ATP11C: variants seen among roughly 807,000 people sequenced by gnomAD.
ATP11C encodes the protein phospholipid-transporting ATPase IG.
A neutral mutation model predicts 97.4 loss-of-function variants in ATP11C; 36 were observed. That is an observed-to-expected ratio of 0.37 (90% CI 0.28 to 0.49). The LOEUF is 0.49. ATP11C is among the 20% of genes least tolerant of loss of function. The pLI is 0.98. For missense variants in ATP11C, 730 were observed against 824.6 expected, an observed-to-expected ratio of 0.89 and a Z score of 1.40; for synonymous variants, 275 against 290.9, an observed-to-expected ratio of 0.95 and a Z score of 0.56.
At chrX:139,780,627 A>G (rs1420927440) in intron 18 of ATP11C, among the ~76,000 whole-genome samples, 1 of 111,344 alleles carries the variant, frequency 9.0e-6, no homozygotes, top group Non-Finnish European at 1.9e-5. Context: ...AGTTGAATGC[A>G]TTTCCCCTAA....
intron 20 of ATP11C, among the ~76,000 whole-genome samples, chrX:139,767,250 G>C (rs1482532617): frequency 1.8e-5 from 2 of 111,600 alleles, no homozygotes; most frequent in African/African-American, 6.5e-5. Context: ...GTGAAAGCAA[G>C]GAGACCAGTG....
intron 1 of ATP11C, among the ~76,000 whole-genome samples, chrX:139,853,324 A>AAGAGAGAGGGGAAAGAC (rs1158237522): frequency 2.8e-5 from 3 of 108,197 alleles, no homozygotes; most frequent in East Asian, 2.9e-4. Context: ...AGGAGAGAAA[A>AAGAGAGAGGGGAAAGAC]AGAGAGAGGG....
intron 2 of ATP11C, among the ~76,000 whole-genome samples, chrX:139,820,935 G>A (rs931610521): frequency 7.2e-5 from 8 of 110,992 alleles, no homozygotes; most frequent in African/African-American, 2.3e-4. Context: ...GACCATGTGC[G>A]ATTTAGCATG....
At chrX:139,829,484 C>G (rs1306809155) in intron 1 of ATP11C, among the ~76,000 whole-genome samples, 2 of 112,006 alleles carry the variant, frequency 1.8e-5, no homozygotes, top group African/African-American at 6.5e-5. Context: ...TTTGCCAAAG[C>G]AGAGAAACGC....
chrX:139,839,148 C>T (rs1202459656), intron 1 of ATP11C, among the ~76,000 whole-genome samples: 1 of 111,724 alleles, frequency 9.0e-6, no homozygotes, highest in Non-Finnish European at 1.9e-5. Flanking sequence ...TGCATAATTC[C>T]ATCATATGAA....
chrX:139,806,706 G>T (rs1178426036), intron 5 of ATP11C, among the ~76,000 whole-genome samples: 1 of 111,825 alleles, frequency 8.9e-6, no homozygotes, highest in East Asian at 2.8e-4. Context: ...GTGTTCATGA[G>T]AAAGCATACA....
chrX:139,756,363 G>A (rs771032471), intron 23 of ATP11C, among the ~76,000 whole-genome samples: 68 of 112,150 alleles, frequency 6.1e-4, no homozygotes, highest in Non-Finnish European at 4.1e-4. Flanking sequence ...GGGAACACTT[G>A]CAGAATGCTG....
At chrX:139,904,250 G>A (rs907531802) in intron 1 of ATP11C, among the ~76,000 whole-genome samples, 6 of 111,589 alleles carry the variant, frequency 5.4e-5, no homozygotes, top group African/African-American at 1.6e-4. Flanking sequence ...GCTTTTGGCC[G>A]GGCACGGTGG....
intron 1 of ATP11C, among the ~76,000 whole-genome samples, chrX:139,923,737 C>T: frequency 8.9e-6 from 1 of 111,736 alleles, no homozygotes; most frequent in Non-Finnish European, 1.9e-5. Context: ...GGCTTCTACT[C>T]CCTGTCGATA....
At position 139,826,766 on chromosome X, in the gene ATP11C, C is replaced by T. The variant is rs768884689; in HGVS notation, c.85G>A (p.Val29Ile). 345 of 1,206,572 alleles carry T rather than the reference C, an allele frequency of 2.9e-4. 2 individuals are homozygous for T. The South Asian group carries it at 5.7e-3, about 20-fold the overall frequency. Residue 29 changes from valine (V) to isoleucine (I), a missense_variant, in exon 2 of 30, where the codon GTT (valine) becomes ATT (isoleucine). Physicochemically the swap from Val to Ile is conservative, Grantham distance 29 (BLOSUM62 3). Coordinates refer to ENST00000682941, the MANE Select transcript of ATP11C (RefSeq NM_001353812.2). ...TRTVFVGNHP[V>I]SETEAYIAQR... Reference sequence around the variant, plus strand: ...GCAATGTAAGCTTCTGTTTCCGAAACTGGATGATTGCCAACAAACACTGTG... The same window carrying T: ...GCAATGTAAGCTTCTGTTTCCGAAATTGGATGATTGCCAACAAACACTGTG...
chrX:139,790,495 C>A (rs1473150972), intron 12 of ATP11C, among the ~76,000 whole-genome samples: 2 of 110,787 alleles, frequency 1.8e-5, no homozygotes, highest in Non-Finnish European at 3.8e-5. Context: ...CACACACACA[C>A]ACTCTTACAC....
intron 20 of ATP11C, 129 bp from the exon 21 acceptor site, chrX:139,763,547 T>C (rs12557100): frequency 8.6e-4 from 408 of 476,817 alleles, no homozygotes; most frequent in Non-Finnish European, 1.2e-3. Flanking sequence ...AGTTTGTGCA[T>C]ATACAGTCAT....
chrX:139,773,754 A>T (rs1001200561), intron 19 of ATP11C, among the ~76,000 whole-genome samples: 1 of 112,554 alleles, frequency 8.9e-6, no homozygotes, highest in Admixed American at 9.4e-5. Context: ...GCTTGCTTAA[A>T]CATTAGCGAT....
chrX:139,825,214 C>G (rs2083502556), intron 2 of ATP11C, among the ~76,000 whole-genome samples: 1 of 111,268 alleles, frequency 9.0e-6, no homozygotes, highest in African/African-American at 3.3e-5. Context: ...AGGAAGGAAC[C>G]CAAACAGCAC....
chrX:139,931,288 C>G (rs1385791895), intron 1 of ATP11C, among the ~76,000 whole-genome samples: 2 of 112,094 alleles, frequency 1.8e-5, no homozygotes, highest in Non-Finnish European at 3.8e-5. Flanking sequence ...ACGGAGGAGT[C>G]CAGTCACAGT....
intron 18 of ATP11C, among the ~76,000 whole-genome samples, chrX:139,779,450 T>C (rs1178556229): frequency 1.8e-5 from 2 of 112,024 alleles, no homozygotes; most frequent in Non-Finnish European, 3.8e-5. Context: ...ACCACATCAG[T>C]ACATATAAAC....
At chrX:139,776,300 G>A (rs184542694) in intron 18 of ATP11C, among the ~76,000 whole-genome samples, 3 of 111,675 alleles carry the variant, frequency 2.7e-5, no homozygotes, top group Non-Finnish European at 5.7e-5. Context: ...TTCACAAAGG[G>A]TGGGGCCCAA....
intron 1 of ATP11C, among the ~76,000 whole-genome samples, chrX:139,861,286 CCTCA>C (rs1408065029): frequency 2.7e-5 from 3 of 110,713 alleles, no homozygotes; most frequent in Non-Finnish European, 3.8e-5. Context: ...GAAGGTATTC[CCTCA>C]CTATTTTATT....
chrX:139,816,237 TAGTC>T (rs982733794), intron 4 of ATP11C, among the ~76,000 whole-genome samples: 6 of 111,897 alleles, frequency 5.4e-5, no homozygotes, highest in Admixed American at 1.9e-4. Flanking sequence ...TGTTTGTAAA[TAGTC>T]AGATGCTGTG....
Sources: gnomAD v4.1 joint callset for allele counts (sites outside exome capture counted in the v4.1 genomes callset) on GRCh38, gnomAD v4.1.1 for gene constraint, MANE v1.5 for transcripts, NCBI Gene and HGNC (gene_info 2026-07-23, HGNC 2026-07-21) for gene names.